Variants in ACO2 observed in about 807,000 individuals in gnomAD.
ACO2 encodes aconitate hydratase, mitochondrial.
Under a neutral mutation model 84.5 loss-of-function variants are expected in ACO2, and 31 were observed. The observed-to-expected ratio is 0.37, with a 90% CI of 0.28 to 0.50. The LOEUF is 0.50. ACO2 is among the 20% of genes least tolerant of loss of function. The pLI is 0.97. For synonymous variants in ACO2, 414 were observed against 412.7 expected, an observed-to-expected ratio of 1.00 and a Z score of -0.04; for missense variants, 685 against 1,029.3, an observed-to-expected ratio of 0.67 and a Z score of 4.58.
intron 4 of ACO2, among the ~76,000 whole-genome samples, chr22:41,514,940 G>A (rs2066463676): frequency 6.6e-6 from 1 of 152,226 alleles, no homozygotes. Context: ...GGCCTTGTGG[G>A]GCTGGAGCCA....
At chr22:41,521,804 T>G (rs946295575) in intron 9 of ACO2, among the ~76,000 whole-genome samples, 4 of 151,832 alleles carry the variant, frequency 2.6e-5, no homozygotes, top group African/African-American at 9.7e-5. Context: ...AGACAGAGTC[T>G]TGCTCTGTCA....
At chr22:41,472,864 G>A (rs1252931849) in intron 1 of ACO2, among the ~76,000 whole-genome samples, 2 of 152,162 alleles carry the variant, frequency 1.3e-5, no homozygotes, top group Non-Finnish European at 2.9e-5. Flanking sequence ...TGTTTATTAG[G>A]TGTTTGGTTT....
intron 2 of ACO2, among the ~76,000 whole-genome samples, chr22:41,505,639 C>T (rs904093195): frequency 4.6e-5 from 7 of 152,136 alleles, no homozygotes; most frequent in African/African-American, 1.7e-4. Flanking sequence ...GCAGCTTCCT[C>T]ATCTGTGCTG....
In ACO2 at chr22:41,523,961, C is replaced by T. The variant is rs377072937; in HGVS notation, c.1482+20C>T. 23 of 1,608,858 alleles carry T rather than the reference C, an allele frequency of 1.4e-5. No homozygotes were observed. The highest frequency in any genetic ancestry group is 3.3e-5 in the Admixed American group (2 of 59,964). ...CCAGAGGTGAGACTGCCCAGCTGCG[C>T]ACAAGCCTGGGATGGCCTCTGGGGG... On this transcript the variant is annotated intron_variant, in intron 12 of 17. Transcript: ENST00000216254.
At chr22:41,516,927 A>G (rs906063043) in intron 6 of ACO2, among the ~76,000 whole-genome samples, 5 of 151,408 alleles carry the variant, frequency 3.3e-5, no homozygotes, top group African/African-American at 1.2e-4. Flanking sequence ...ATGGGTTTTC[A>G]CCATGTTGGC....
chr22:41,526,086 G>T, intron 14 of ACO2, 176 bp from the exon 15 acceptor site: 1 of 588,112 alleles, frequency 1.7e-6, no homozygotes. Context: ...CTGAGCCCAT[G>T]TGGCCTTAGG....
At chr22:41,507,557 A>T (rs1252807690) in intron 2 of ACO2, among the ~76,000 whole-genome samples, 1 of 152,174 alleles carries the variant, frequency 6.6e-6, no homozygotes, top group Non-Finnish European at 1.5e-5. Flanking sequence ...TCATTCACTT[A>T]CTCATCAAGT....
intron 1 of ACO2, among the ~76,000 whole-genome samples, chr22:41,487,207 A>C (rs1400737332): frequency 6.6e-6 from 1 of 152,150 alleles, no homozygotes; most frequent in Admixed American, 6.5e-5. Context: ...TTCAGTTGCA[A>C]GTGCTTTCTT....
chr22:41,515,665 G>A lies in ACO2; in HGVS notation c.685-102G>A, dbSNP rs1703724787. 3.1e-6 allele frequency: 5 copies of A among 1,597,214 alleles called. No individual in the cohort carries two copies. In the Admixed American group the frequency reaches 6.7e-5, roughly 21 times the overall value. On this transcript the variant is annotated intron_variant, in intron 5 of 17. Transcript: ENST00000216254. The surrounding 1 kb of genome is among the most constrained non-coding windows in gnomAD (Gnocchi z 5.8). ...TCGAATCTTCTGGGAGGGAGGTAGA[G>A]ACCAATAAGCAGCAATGTGAATGGC...
chr22:41,527,267 T>C, intron 15 of ACO2, 21 bp from the exon 16 acceptor site: 1 of 1,614,040 alleles, frequency 6.2e-7, no homozygotes, highest in South Asian at 1.1e-5. Context: ...CCTTATAACC[T>C]TACCCCCGCT....
At chr22:41,492,099 T>C (rs1269021940) in intron 1 of ACO2, among the ~76,000 whole-genome samples, 2 of 152,364 alleles carry the variant, frequency 1.3e-5, no homozygotes, top group East Asian at 1.9e-4. Context: ...ATCTGTGAGA[T>C]GGGAATAAGT....
At chr22:41,519,953 T>C (rs549600365) in intron 8 of ACO2, among the ~76,000 whole-genome samples, 3 of 152,216 alleles carry the variant, frequency 2.0e-5, no homozygotes, top group Non-Finnish European at 4.4e-5. Context: ...TTCAGTTCCT[T>C]CATCTGCAGA....
intron 2 of ACO2, among the ~76,000 whole-genome samples, chr22:41,503,285 C>T (rs542366956): frequency 4.0e-5 from 6 of 151,066 alleles, no homozygotes; most frequent in African/African-American, 7.3e-5. Flanking sequence ...AGTCCAATAA[C>T]TTTGAACATT....
At chr22:41,477,176 C>T (rs577749011) in intron 1 of ACO2, among the ~76,000 whole-genome samples, 5 of 150,282 alleles carry the variant, frequency 3.3e-5, no homozygotes, top group African/African-American at 4.9e-5. Flanking sequence ...TTTTTTGAGA[C>T]GGAGTCTGGC....
rs182248173 is a variant in ACO2 at position 41,485,665 on chromosome 22, G to T, written c.37-14061G>T. 2.7e-4 allele frequency among the ~76,000 whole-genome samples: 41 copies of T among 151,760 alleles called. 1 individual carries two copies. In the East Asian group the frequency reaches 7.6e-3, roughly 28 times the overall value. On this transcript the variant is annotated intron_variant, in intron 1 of 17. Transcript: ENST00000216254. Reference sequence around the variant, plus strand: ...TCACTGTGTTAGCCAGGATGGTCTCGATCTCCTGACCTTGTGATCCACCCG... The same window carrying T: ...TCACTGTGTTAGCCAGGATGGTCTCTATCTCCTGACCTTGTGATCCACCCG...
intron 11 of ACO2, 68 bp from the exon 12 acceptor site, chr22:41,523,762 A>G: frequency 7.2e-7 from 1 of 1,397,042 alleles, no homozygotes; most frequent in Non-Finnish European, 1.0e-6. Context: ...AACCCAGCTT[A>G]TCTGTCCTCG....
At chr22:41,510,856 A>T (rs1333864993) in intron 3 of ACO2, among the ~76,000 whole-genome samples, 1 of 152,240 alleles carries the variant, frequency 6.6e-6, no homozygotes, top group East Asian at 1.9e-4. Flanking sequence ...TTTTCAGAAC[A>T]GTGGTCCCTT....
intron 15 of ACO2, 34 bp from the exon 16 acceptor site, chr22:41,527,254 C>T: frequency 6.2e-7 from 1 of 1,613,760 alleles, no homozygotes. Context: ...GTGCCCTCCT[C>T]TGCCTTATAA....
At chr22:41,494,486 A>G (rs2066297241) in intron 1 of ACO2, among the ~76,000 whole-genome samples, 1 of 147,124 alleles carries the variant, frequency 6.8e-6, no homozygotes, top group Non-Finnish European at 1.5e-5. Flanking sequence ...ATGTCGGCTC[A>G]CTGCAACCTC....
Sources: gnomAD v4.1 joint callset for allele counts (sites outside exome capture counted in the v4.1 genomes callset) on GRCh38, gnomAD v4.1.1 for gene constraint, Gnocchi (gnomAD v3.1) non-coding constraint, MANE v1.5 for transcripts, NCBI Gene and HGNC (gene_info 2026-07-23, HGNC 2026-07-21) for gene names.